The following SRCIN1 variants were observed in gnomAD, a reference collection of about 807,000 sequenced individuals.
SRCIN1 encodes SRC kinase signaling inhibitor 1.
A neutral mutation model predicts 116.2 loss-of-function variants in SRCIN1; 50 were observed. The ratio of observed to expected loss-of-function variants is 0.43; its 90% confidence interval spans 0.34 to 0.54. The LOEUF is 0.54. Ranked by LOEUF, SRCIN1 falls within the 20% of genes least tolerant of loss-of-function variation. The pLI, the probability that SRCIN1 is intolerant of heterozygous loss-of-function variation, is 0.02. For missense variants in SRCIN1, 1,446 were observed against 1,672.0 expected (o/e 0.86, Z 2.36); for synonymous variants, 736 against 750.0 (o/e 0.98, Z 0.30).
intron 1 of SRCIN1, among the ~76,000 whole-genome samples, chr17:38,596,021 CAGG>C (rs1197162995): frequency 6.6e-6 from 1 of 151,648 alleles, no homozygotes; most frequent in Non-Finnish European, 1.5e-5. Context: ...GGAGAGCTGG[CAGG>C]AGGAGGAATC....
At chr17:38,541,316 A>C (rs1037717980) in intron 18 of SRCIN1, 1 of 152,070 alleles carries the variant, frequency 6.6e-6, no homozygotes, top group Non-Finnish European at 1.5e-5. Flanking sequence ...TACAAGAAAG[A>C]AGCCATGTTT....
In SRCIN1 at chr17:38,585,878, G is replaced by A. The variant is rs890536111; in HGVS notation, c.23-7087C>T. On this transcript the variant is annotated intron_variant, in intron 1 of 18. Coordinates refer to ENST00000617146, the MANE Select transcript of SRCIN1 (RefSeq NM_025248.3). This position sits in a 1 kb window ranked among gnomAD's most constrained non-coding sequence, Gnocchi z 4.2. ...GGGGGAAGGAGGCAGCTGGACTGAG[G>A]ATTGGAGACAGGGGGCTCCTGCCTA... Among the ~76,000 whole-genome samples the A allele has an allele frequency of 6.6e-6, 1 of 152,180 alleles. No individual in the cohort carries two copies. The highest frequency in any genetic ancestry group is 2.1e-4 in the South Asian group (1 of 4,826).
At position 38,594,391 on chromosome 17, in the gene SRCIN1, G is replaced by A. The variant is rs930621662; in HGVS notation, c.22+11293C>T. Reference sequence around the variant, plus strand: ...AAGCCATCAAGGCGGCGGCAGCCACGGTGGCAAGGAGAGCTGCCTCCCCCA... The same window carrying A: ...AAGCCATCAAGGCGGCGGCAGCCACAGTGGCAAGGAGAGCTGCCTCCCCCA... On this transcript the variant is annotated intron_variant, in intron 1 of 18. Transcript: ENST00000617146. 4.6e-5 allele frequency among the ~76,000 whole-genome samples: 7 copies of A among 152,334 alleles called. No homozygotes were observed. In the East Asian group the frequency reaches 5.8e-4, roughly 13 times the overall value.
In SRCIN1 at chr17:38,533,021, G is replaced by GT. The variant is rs1308092205; in HGVS notation, c.*275_*276insA. 1 of 265,764 alleles carries GT rather than the reference G, an allele frequency of 3.8e-6. No individual in the cohort carries two copies. The highest frequency in any genetic ancestry group is 7.0e-6 in the Non-Finnish European group (1 of 143,418). 16.5% of individuals were successfully genotyped at this position (265,764 alleles called of 1,614,324 possible). ...GACAGGTGCGGCCAGCGAGAGGCCA[G>GT]CTGGGATCAAGGAAGGTGGTGTGTT... On this transcript the variant is annotated 3_prime_UTR_variant, in exon 19 of 19. Transcript: ENST00000617146.
At position 38,543,838 on chromosome 17, in the gene SRCIN1, G is replaced by C; in HGVS notation, c.3402C>G (p.Ile1134Met). The C allele has an allele frequency of 2.5e-6, 4 of 1,606,958 alleles. No individual in the cohort carries two copies. Among genetic ancestry groups the C allele is most frequent in the Admixed American group, 1.7e-5 (1 of 59,990 alleles). The stretch of plus-strand genomic sequence containing the variant: ...CCGCCCTCACCTGCTGCTGGGCCTG[G>C]ATCCGCATGTACTCGGCCCTCTGCT... ...HGKQRAEYMR[I>M]QAQQQATKPS... Residue 1134 changes from isoleucine to methionine, a missense_variant, in exon 18 of 19, where the codon ATC becomes ATG. Physicochemically the swap from Ile to Met is conservative, Grantham distance 10. Coordinates refer to ENST00000617146, the MANE Select transcript of SRCIN1 (RefSeq NM_025248.3).
intron 3 of SRCIN1, among the ~76,000 whole-genome samples, chr17:38,564,897 G>A (rs1018164145): frequency 3.9e-5 from 6 of 152,108 alleles, no homozygotes; most frequent in African/African-American, 1.4e-4. Context: ...AAACTATCCC[G>A]AACTCCTCAA....
chr17:38,551,226 T>C lies in SRCIN1; in HGVS notation c.2891A>G (p.His964Arg). Residue 964 changes from histidine to arginine, a missense_variant, in exon 15 of 19, where the codon CAC becomes CGC. Transcript: ENST00000617146. ...AHPGPAPTPD[H>R]KPPKAPHGQK... is the part of the protein sequence containing the mutation. ...GCCGTGGGGGGCCTTGGGGGGCTTG[T>C]GATCTGGAGTGGGGGCCGGGCCTGG... The C allele has an allele frequency of 6.2e-7, 1 of 1,607,782 alleles. No homozygotes were observed. Among genetic ancestry groups the C allele is most frequent in the Non-Finnish European group, 8.5e-7 (1 of 1,176,948 alleles).
chr17:38,556,503 A>G (rs1159555627), intron 11 of SRCIN1, among the ~76,000 whole-genome samples: 1 of 152,280 alleles, frequency 6.6e-6, no homozygotes, highest in Admixed American at 6.5e-5. Flanking sequence ...AGGAAGTGGT[A>G]TAGCAAATTG....
At position 38,560,044 on chromosome 17, in the gene SRCIN1, G is replaced by T; in HGVS notation, c.1837+10C>A. 6.4e-7 allele frequency: 1 copy of T among 1,553,802 alleles called. No individual in the cohort carries two copies. The highest frequency in any genetic ancestry group is 8.7e-7 in the Non-Finnish European group (1 of 1,147,206). ...GAGAACAAGGATGGGGGAGGGGGAG[G>T]TTCACTCACGTGCTGAGGGGGTGGC... On this transcript the variant is annotated intron_variant, in intron 9 of 18. Coordinates refer to ENST00000617146, the MANE Select transcript of SRCIN1 (RefSeq NM_025248.3).
chr17:38,587,787 A>AG (rs890524902), intron 1 of SRCIN1, among the ~76,000 whole-genome samples: 6 of 152,134 alleles, frequency 3.9e-5, no homozygotes, highest in African/African-American at 1.2e-4. Context: ...CCCCCAGCCC[A>AG]GGGGGATGCT....
At position 38,554,616 on chromosome 17, in the gene SRCIN1, A is replaced by G. The variant is rs578064846; in HGVS notation, c.2202-1761T>C. Among the ~76,000 whole-genome samples the G allele has an allele frequency of 2.0e-3, 299 of 152,254 alleles. 1 individual carries two copies. The highest frequency in any genetic ancestry group is 6.8e-3 in the African/African-American group (282 of 41,546). ...GCTGGGTTGTGCAGCCTTCTGGACTACTAACCCCAGGCAGGCAAAGACCAT... is the reference window on the plus strand; with the variant it reads ...GCTGGGTTGTGCAGCCTTCTGGACTGCTAACCCCAGGCAGGCAAAGACCAT... On this transcript the variant is annotated intron_variant, in intron 11 of 18. Coordinates refer to ENST00000617146, the MANE Select transcript of SRCIN1 (RefSeq NM_025248.3).
In SRCIN1 at chr17:38,548,940, C is replaced by A. The variant is rs558304102; in HGVS notation, c.3117+116G>T. 1.5e-4 allele frequency: 195 copies of A among 1,327,978 alleles called. 1 individual carries two copies. In the Middle Eastern group the frequency reaches 2.0e-3, roughly 13 times the overall value. 82.3% of individuals were successfully genotyped at this position (1,327,978 alleles called of 1,614,324 possible). On this transcript the variant is annotated intron_variant, in intron 16 of 18. Transcript: ENST00000617146. Reference sequence around the variant, plus strand: ...AGTCGCCACCGGCCACTCCCTCTTTCCTTCCATGTTCTCTGAGAAAGGGGT... The same window carrying A: ...AGTCGCCACCGGCCACTCCCTCTTTACTTCCATGTTCTCTGAGAAAGGGGT...
Position 38,561,819 on chromosome 17 carries a change from C to T in SRCIN1, c.1344G>A (p.Glu448=), listed in dbSNP as rs1906272360. 6.7e-7 allele frequency: 1 copy of T among 1,484,576 alleles called. No individual in the cohort carries two copies. The highest frequency in any genetic ancestry group is 8.9e-7 in the Non-Finnish European group (1 of 1,126,394). The allele number at this position is 1,484,576 out of a possible 1,614,324, so 92.0% of individuals were successfully genotyped here. ...YSAAALQSDL[E]DSLYKAAGGG... ...CGCCCGCCGCCTTGTACAGGGAGTCCTCCAGATCGGACTGCAGCGCGGCGG... is the reference window on the plus strand; with the variant it reads ...CGCCCGCCGCCTTGTACAGGGAGTCTTCCAGATCGGACTGCAGCGCGGCGG... The change falls in exon 7 of 19, where the codon GAG becomes GAA. Residue 448 remains glutamate (E), a synonymous_variant. Coordinates refer to ENST00000617146, the MANE Select transcript of SRCIN1 (RefSeq NM_025248.3).
chr17:38,549,106 G>A lies in SRCIN1; in HGVS notation c.3067C>T (p.Arg1023Cys), dbSNP rs1033569869. The A allele has an allele frequency of 5.6e-6, 9 of 1,612,014 alleles. No homozygotes were observed. Among genetic ancestry groups the A allele is most frequent in the East Asian group, 2.2e-5 (1 of 44,804 alleles). Reference protein sequence around the residue: ...FPSSHGLTTTRTGEVVVTSKK... With the variant: ...FPSSHGLTTTCTGEVVVTSKK... ...CTGGTGACCACCACCTCTCCGGTAC[G>A]TGTGGTGGTCAGGCCATGGGAGGAG... The change falls in exon 16 of 19, where the codon CGT (arginine) becomes TGT (cysteine). Residue 1023 changes from arginine (R) to cysteine (C), a missense_variant. Around this residue, in one of 5 missense-constraint regions of SRCIN1, gnomAD observed 531 missense variants for 633.9 expected, o/e 0.84. Coordinates refer to ENST00000617146, the MANE Select transcript of SRCIN1 (RefSeq NM_025248.3).
intron 9 of SRCIN1, 93 bp downstream of exon 9, chr17:38,559,961 G>A: frequency 2.2e-6 from 3 of 1,358,082 alleles, no homozygotes; most frequent in Non-Finnish European, 3.1e-6. Flanking sequence ...CTTGGGCTAA[G>A]GCCAGTGATG....
At chr17:38,584,644 T>G (rs779091845) in intron 1 of SRCIN1, among the ~76,000 whole-genome samples, 5 of 152,206 alleles carry the variant, frequency 3.3e-5, no homozygotes, top group Admixed American at 6.5e-5. Flanking sequence ...ATTTTTATCC[T>G]CCACCACATT....
At chr17:38,580,608 G>A (rs950165998) in intron 1 of SRCIN1, among the ~76,000 whole-genome samples, 2 of 152,190 alleles carry the variant, frequency 1.3e-5, no homozygotes, top group Admixed American at 6.5e-5. Flanking sequence ...TTACGTTTGT[G>A]CCACCACACT....
At chr17:38,593,462 G>A (rs1487753196) in intron 1 of SRCIN1, among the ~76,000 whole-genome samples, 1 of 152,148 alleles carries the variant, frequency 6.6e-6, no homozygotes, top group African/African-American at 2.4e-5. Flanking sequence ...AAGGCGGAGG[G>A]GAAGGGAGGG....
At chr17:38,589,706 C>G (rs775596191) in intron 1 of SRCIN1, among the ~76,000 whole-genome samples, 1 of 152,176 alleles carries the variant, frequency 6.6e-6, no homozygotes, top group African/African-American at 2.4e-5. Context: ...GAGCCTCTGC[C>G]CAGCTTCCAG....
Sources: allele counts gnomAD v4.1 joint callset (sites outside exome capture counted in the v4.1 genomes callset), GRCh38; gene constraint gnomAD v4.1.1; regional missense constraint gnomAD v4.1.1; non-coding constraint Gnocchi (gnomAD v3.1); transcripts MANE v1.5; gene names NCBI Gene and HGNC (gene_info 2026-07-23, HGNC 2026-07-21).